SLCO1B3: variants seen among roughly 807,000 people sequenced by gnomAD.
SLCO1B3 encodes liver-specific organic anion transporter 2.
In SLCO1B3, 72 loss-of-function variants were observed where a neutral mutation model predicts 71.8. The observed-to-expected ratio is 1.00, with a 90% CI of 0.83 to 1.22. The LOEUF is 1.22. SLCO1B3 is among the 50% of genes most tolerant of loss of function. The probability of loss-of-function intolerance (pLI) is 0.00; values close to 1 mark genes in which losing one functional copy is unlikely to be tolerated. For missense variants in SLCO1B3, 911 were observed against 819.7 expected, an observed-to-expected ratio of 1.11 and a Z score of -1.36; for synonymous variants, 298 against 278.4, an observed-to-expected ratio of 1.07 and a Z score of -0.70.
intron 3 of SLCO1B3, among the ~76,000 whole-genome samples, chr12:20,827,401 A>T (rs1247499926): frequency 6.6e-6 from 1 of 152,176 alleles, no homozygotes; most frequent in Admixed American, 6.5e-5. Context: ...TATTTGATTT[A>T]AATGCTTTTG....
At chr12:20,850,256 TTTTATTTATTTA>T (rs67315737) in intron 3 of SLCO1B3, among the ~76,000 whole-genome samples, 186 of 143,056 alleles carry the variant, frequency 1.3e-3, no homozygotes, top group Non-Finnish European at 2.0e-3. Flanking sequence ...ATTATTATTA[TTTTATTTATTTA>T]TTTATTTATT....
chr12:20,835,420 T>G (rs2121149658), intron 3 of SLCO1B3, among the ~76,000 whole-genome samples: 1 of 152,300 alleles, frequency 6.6e-6, no homozygotes, highest in Non-Finnish European at 1.5e-5. Flanking sequence ...GCTGCAAATC[T>G]TTCACACTTT....
At chr12:20,868,170 CTA>C (rs966172906) in intron 8 of SLCO1B3, among the ~76,000 whole-genome samples, 4 of 152,168 alleles carry the variant, frequency 2.6e-5, no homozygotes, top group Non-Finnish European at 5.9e-5. Flanking sequence ...TTCTGGCCAA[CTA>C]TTAGTGCTAA....
At chr12:20,829,724 C>T (rs1864499931) in intron 3 of SLCO1B3, among the ~76,000 whole-genome samples, 1 of 152,078 alleles carries the variant, frequency 6.6e-6, no homozygotes. Context: ...ATAGCTATTC[C>T]ATAGAGAGAG....
chr12:20,862,697 T>C, intron 7 of SLCO1B3, 59 bp from the exon 8 acceptor site: 1 of 1,488,252 alleles, frequency 6.7e-7, no homozygotes, highest in Non-Finnish European at 9.3e-7. Flanking sequence ...TTTAAAAGCA[T>C]GTTAAATGAA....
intron 7 of SLCO1B3, 84 bp downstream of exon 7, chr12:20,862,642 A>C: frequency 6.8e-7 from 1 of 1,462,940 alleles, no homozygotes; most frequent in Non-Finnish European, 9.3e-7. Flanking sequence ...TTTTTCTTTT[A>C]CCTATTAGAA....
At chr12:20,906,705 A>G (rs1430382274) in intron 15 of SLCO1B3, among the ~76,000 whole-genome samples, 1 of 152,192 alleles carries the variant, frequency 6.6e-6, no homozygotes, top group East Asian at 1.9e-4. Flanking sequence ...GAAACATATA[A>G]AAAGATTGCA....
Position 20,875,358 on chromosome 12 carries a change from A to G in SLCO1B3, c.851A>G (p.Asn284Ser), listed in dbSNP as rs1014022478. The G allele has an allele frequency of 2.5e-6, 4 of 1,613,178 alleles. No homozygotes were observed. Among genetic ancestry groups the G allele is most frequent in the African/African-American group, 2.7e-5 (2 of 74,864 alleles). Residue 284 changes from asparagine to serine, a missense_variant, in exon 9 of 16, where the codon AAT becomes AGT. Physicochemically the swap from Asn to Ser is conservative, Grantham distance 46. Transcript: ENST00000381545. ...TTTTTTTTCTTGCCGAAAAATCCAA[A>G]TAAACCACAAAAAGAAAGAAAAATT... The part of the protein sequence containing the change: ...IPFFFLPKNP[N>S]KPQKERKISL...
At chr12:20,843,176 T>G (rs1864838600) in intron 3 of SLCO1B3, among the ~76,000 whole-genome samples, 1 of 152,200 alleles carries the variant, frequency 6.6e-6, no homozygotes, top group Admixed American at 6.5e-5. Context: ...ACTATCTCGA[T>G]TTTCCATCTA....
Position 20,858,444 on chromosome 12 carries a change from T to G in SLCO1B3, c.232T>G (p.Leu78Val), listed in dbSNP as rs771625535. The change falls in exon 5 of 16, where the codon TTG becomes GTG. Residue 78 changes from leucine (L) to valine (V), a missense_variant. Transcript: ENST00000381545. The part of the protein sequence containing the change: ...LIDGSFEIGN[L>V]LVIVFVSYFG... ...TAATTTTGTTTTTTTTCTAGGAAAT[T>G]TGCTTGTGATTGTATTTGTAAGTTA... 1 of 1,584,294 alleles carries G rather than the reference T, an allele frequency of 6.3e-7. No individual in the cohort carries two copies. Among genetic ancestry groups the G allele is most frequent in the East Asian group, 2.2e-5 (1 of 44,616 alleles).
intron 1 of SLCO1B3, among the ~76,000 whole-genome samples, chr12:20,812,983 C>T (rs1428970390): frequency 6.6e-6 from 1 of 152,066 alleles, no homozygotes; most frequent in Non-Finnish European, 1.5e-5. Context: ...TATTAAGGGG[C>T]TGCTTATTAC....
Position 20,875,236 on chromosome 12 carries a change from C to T in SLCO1B3, c.729C>T (p.Ser243=), listed in dbSNP as rs1467591067. The change falls in exon 9 of 16, where the codon AGC becomes AGT. Residue 243 remains serine, a splice_region_variant and synonymous_variant. Transcript: ENST00000381545. The part of the protein sequence containing the change: ...MYVDIGYVDL[S]TIRITPKDSR... ...GCTTCTTTTAACTGTTTCTCCTAGG[C>T]ACTATCAGAATAACTCCTAAGGACT... 6.2e-7 allele frequency: 1 copy of T among 1,612,088 alleles called. No individual in the cohort carries two copies. Among genetic ancestry groups the T allele is most frequent in the Non-Finnish European group, 8.5e-7 (1 of 1,179,536 alleles).
chr12:20,832,115 G>A (rs1864553533), intron 3 of SLCO1B3, among the ~76,000 whole-genome samples: 1 of 152,126 alleles, frequency 6.6e-6, no homozygotes, highest in African/African-American at 2.4e-5. Context: ...GGACTTTTGT[G>A]CTATTAGTAC....
chr12:20,851,459 C>T (rs1034217883), intron 3 of SLCO1B3, among the ~76,000 whole-genome samples: 1 of 152,042 alleles, frequency 6.6e-6, no homozygotes, highest in African/African-American at 2.4e-5. Flanking sequence ...GCCATTTATA[C>T]ATCTTGTTTG....
In SLCO1B3 at chr12:20,879,544, C is replaced by A. The variant is rs369045586; in HGVS notation, c.1244C>A (p.Ser415Ter). ...VGIAKFSFLT[S>*]MISFLFQLLY... Reference sequence around the variant, plus strand: ...ATTGCCAAATTTTCATTTCTTACTTCGATGATATCCTTCTTGTTTCAACTT... The same window carrying A: ...ATTGCCAAATTTTCATTTCTTACTTAGATGATATCCTTCTTGTTTCAACTT... The change falls in exon 11 of 16, where the codon TCG becomes TAG. Residue 415 changes from serine (S) to a stop codon, truncating the protein, a stop_gained. Transcript: ENST00000381545. LOFTEE classifies it high-confidence loss of function. 20 of 1,611,854 alleles carry A rather than the reference C, an allele frequency of 1.2e-5. No homozygotes were observed. The highest frequency in any genetic ancestry group is 3.3e-4 in the Middle Eastern group (2 of 6,034).
At chr12:20,894,674 A>G (rs937436653) in intron 13 of SLCO1B3, among the ~76,000 whole-genome samples, 1 of 152,210 alleles carries the variant, frequency 6.6e-6, no homozygotes, top group Non-Finnish European at 1.5e-5. Flanking sequence ...GTTGAAGTGC[A>G]ATCTCTCCCT....
chr12:20,871,786 T>C (rs554325950), intron 8 of SLCO1B3, among the ~76,000 whole-genome samples: 6 of 152,148 alleles, frequency 3.9e-5, no homozygotes, highest in African/African-American at 1.4e-4. Flanking sequence ...CAAGCAAGCA[T>C]CCTTGTGGCC....
At position 20,898,894 on chromosome 12, in the gene SLCO1B3, A is replaced by G. The variant is rs996760942; in HGVS notation, c.1747+394A>G. 2.0e-5 allele frequency among the ~76,000 whole-genome samples: 3 copies of G among 152,186 alleles called. 1 individual carries two copies. Among genetic ancestry groups the G allele is most frequent in the Non-Finnish European group, 4.4e-5 (3 of 68,044 alleles). ...AGGACAGCCCTAAAGTAGCTTGGGA[A>G]CCCTGGGAATCTGGTCAGGCTGAGG... On this transcript the variant is annotated intron_variant, in intron 14 of 15. Coordinates refer to ENST00000381545, the MANE Select transcript of SLCO1B3 (RefSeq NM_019844.4).
intron 3 of SLCO1B3, among the ~76,000 whole-genome samples, chr12:20,826,626 T>A (rs1864428083): frequency 6.6e-6 from 1 of 151,998 alleles, no homozygotes; most frequent in Admixed American, 6.6e-5. Flanking sequence ...ATGATATGCT[T>A]GGACTTTCTG....
Sources: allele counts gnomAD v4.1 joint callset (sites outside exome capture counted in the v4.1 genomes callset), GRCh38; gene constraint gnomAD v4.1.1; transcripts MANE v1.5; gene names NCBI Gene and HGNC (gene_info 2026-07-23, HGNC 2026-07-21).